Variants in GPC5 observed in about 807,000 individuals in gnomAD.
GPC5 encodes glypican-5.
A neutral mutation model predicts 53.9 loss-of-function variants in GPC5; 47 were observed. The ratio of observed to expected loss-of-function variants is 0.87; its 90% confidence interval spans 0.69 to 1.11. The LOEUF is 1.11. Among genes scored for constraint, GPC5 ranks in the 50% most tolerant of loss-of-function variants. GPC5 has a pLI of 0.00. For synonymous variants in GPC5, 286 were observed against 263.3 expected (o/e 1.09, Z -0.84); for missense variants, 748 against 713.1 (o/e 1.05, Z -0.56).
At chr13:92,830,450 G>C (rs891807882) in intron 7 of GPC5, among the ~76,000 whole-genome samples, 6 of 151,928 alleles carry the variant, frequency 3.9e-5, no homozygotes, top group African/African-American at 9.7e-5. Context: ...AACTATCAGT[G>C]GTCCTGAAGT....
At chr13:91,868,106 G>A (rs1220659054) in intron 5 of GPC5, among the ~76,000 whole-genome samples, 1 of 152,112 alleles carries the variant, frequency 6.6e-6, no homozygotes, top group Non-Finnish European at 1.5e-5. Flanking sequence ...TCATATTGAA[G>A]AGTAGGATAC....
At chr13:91,507,705 G>A (rs1344712823) in intron 2 of GPC5, among the ~76,000 whole-genome samples, 2 of 152,122 alleles carry the variant, frequency 1.3e-5, no homozygotes, top group African/African-American at 4.8e-5. Flanking sequence ...ACCTCCCAAA[G>A]ACTGTACTTC....
intron 7 of GPC5, among the ~76,000 whole-genome samples, chr13:92,178,704 C>T (rs572901161): frequency 6.9e-4 from 105 of 152,110 alleles, no homozygotes; most frequent in African/African-American, 2.4e-3. Flanking sequence ...AGCCTGGGCA[C>T]GGTGGCTCAC....
chr13:92,677,770 G>A (rs987087184), intron 7 of GPC5, among the ~76,000 whole-genome samples: 1 of 142,428 alleles, frequency 7.0e-6, no homozygotes, highest in Admixed American at 6.9e-5. Context: ...GAAACCTGAC[G>A]CCACCCCACC....
intron 7 of GPC5, among the ~76,000 whole-genome samples, chr13:92,510,950 T>C (rs541872478): frequency 6.6e-6 from 1 of 152,348 alleles, no homozygotes; most frequent in African/African-American, 2.4e-5. Flanking sequence ...GATCAGGCTA[T>C]GATGTGTGGG....
chr13:92,471,531 G>A (rs1314050302), intron 7 of GPC5, among the ~76,000 whole-genome samples: 4 of 125,044 alleles, frequency 3.2e-5, no homozygotes, highest in Non-Finnish European at 4.9e-5. Flanking sequence ...TTTATAATAA[G>A]GAACGTACAT....
At chr13:91,523,902 C>T (rs1885958634) in intron 2 of GPC5, among the ~76,000 whole-genome samples, 1 of 151,812 alleles carries the variant, frequency 6.6e-6, no homozygotes, top group Non-Finnish European at 1.5e-5. Flanking sequence ...CCTTTAAAAC[C>T]AAGTCTTGAT....
At chr13:92,063,347 T>C (rs1181547266) in intron 6 of GPC5, among the ~76,000 whole-genome samples, 1 of 152,108 alleles carries the variant, frequency 6.6e-6, no homozygotes, top group Non-Finnish European at 1.5e-5. Context: ...TAAAATGTCA[T>C]GGTGAAGTAT....
intron 7 of GPC5, among the ~76,000 whole-genome samples, chr13:92,311,213 T>TA (rs1242378737): frequency 1.3e-5 from 2 of 152,130 alleles, no homozygotes; most frequent in Non-Finnish European, 2.9e-5. Flanking sequence ...ATATAGCAAT[T>TA]AAAAATGTGA....
chr13:91,842,840 G>A lies in GPC5; in HGVS notation c.1281-65097G>A, dbSNP rs188283397. Among the ~76,000 whole-genome samples the A allele has an allele frequency of 3.8e-4, 57 of 151,766 alleles. 1 individual carries two copies. The East Asian group carries it at 0.011, about 28-fold the overall frequency. ...GAGGCAAATATTGAAAATGAGACGT[G>A]CTCTTTAAAGTTGAATTATCTTTCA... On this transcript the variant is annotated intron_variant, in intron 5 of 7. Coordinates refer to ENST00000377067, the MANE Select transcript of GPC5 (RefSeq NM_004466.6).
chr13:92,297,681 G>A (rs891323019), intron 7 of GPC5, among the ~76,000 whole-genome samples: 3 of 152,136 alleles, frequency 2.0e-5, no homozygotes, highest in Non-Finnish European at 4.4e-5. Context: ...GCACCAATCA[G>A]CGCCCTGACA....
intron 6 of GPC5, among the ~76,000 whole-genome samples, chr13:91,950,537 ATTGTGTGACC>A (rs1187165034): frequency 6.6e-6 from 1 of 152,084 alleles, no homozygotes; most frequent in African/African-American, 2.4e-5. Flanking sequence ...CAAATTACTC[ATTGTGTGACC>A]TTGGACATAT....
chr13:91,638,208 C>T (rs552926968), intron 2 of GPC5, among the ~76,000 whole-genome samples: 35 of 152,240 alleles, frequency 2.3e-4, no homozygotes, highest in African/African-American at 7.7e-4. Context: ...CCTGGTATTT[C>T]GTATATCAAA....
chr13:92,610,914 C>A (rs994608066), intron 7 of GPC5, among the ~76,000 whole-genome samples: 1 of 151,352 alleles, frequency 6.6e-6, no homozygotes, highest in African/African-American at 2.4e-5. Context: ...ATTTACAATT[C>A]GAGATGATAT....
chr13:91,843,696 T>C (rs1343544436), intron 5 of GPC5, among the ~76,000 whole-genome samples: 1 of 151,650 alleles, frequency 6.6e-6, no homozygotes, highest in African/African-American at 2.4e-5. Context: ...GTATGAAGAG[T>C]AGGTGGCTGG....
At chr13:91,779,521 G>A (rs1399836957) in intron 5 of GPC5, among the ~76,000 whole-genome samples, 1 of 151,922 alleles carries the variant, frequency 6.6e-6, no homozygotes, top group African/African-American at 2.4e-5. Flanking sequence ...CCACCACAAC[G>A]AGCTAATGTT....
chr13:91,844,140 A>T (rs1409726745), intron 5 of GPC5, among the ~76,000 whole-genome samples: 2 of 152,206 alleles, frequency 1.3e-5, no homozygotes, highest in Non-Finnish European at 2.9e-5. Flanking sequence ...GTGAGAAAGA[A>T]TGAAAGGGAT....
intron 2 of GPC5, among the ~76,000 whole-genome samples, chr13:91,626,415 A>G (rs1328931022): frequency 6.6e-6 from 1 of 152,092 alleles, no homozygotes; most frequent in Non-Finnish European, 1.5e-5. Context: ...TTATAACAGT[A>G]TTATCCAGGC....
chr13:91,701,547 C>T (rs557311732), intron 3 of GPC5, among the ~76,000 whole-genome samples: 1 of 150,032 alleles, frequency 6.7e-6, no homozygotes, highest in South Asian at 2.1e-4. Flanking sequence ...AATAATATTC[C>T]ACTGTGTGTG....
Sources: gnomAD v4.1 joint callset for allele counts (sites outside exome capture counted in the v4.1 genomes callset) on GRCh38, gnomAD v4.1.1 for gene constraint, MANE v1.5 for transcripts, NCBI Gene and HGNC (gene_info 2026-07-23, HGNC 2026-07-21) for gene names.